Variants in TSHZ2 observed in about 807,000 individuals in gnomAD.
TSHZ2 encodes the protein teashirt zinc finger homeobox 2.
Under a neutral mutation model 74.4 loss-of-function variants are expected in TSHZ2, and 21 were observed. The observed-to-expected ratio is 0.28, with a 90% CI of 0.20 to 0.41. The LOEUF (loss-of-function observed/expected upper bound fraction) is 0.41. TSHZ2 is among the 10% of genes least tolerant of loss of function. The pLI, the probability that TSHZ2 is intolerant of heterozygous loss-of-function variation, is 1.00. For synonymous variants in TSHZ2, 540 were observed against 515.3 expected (o/e 1.05, Z -0.65); for missense variants, 1,244 against 1,293.5 (o/e 0.96, Z 0.59).
chr20:53,461,204 G>A (rs539483124), intron 2 of TSHZ2, among the ~76,000 whole-genome samples: 274 of 151,886 alleles, frequency 1.8e-3, no homozygotes, highest in Middle Eastern at 6.8e-3. Context: ...CTCCATGGGC[G>A]TAGGACCCTC....
intron 2 of TSHZ2, among the ~76,000 whole-genome samples, chr20:53,268,891 C>A (rs1990773332): frequency 6.6e-6 from 1 of 152,220 alleles, no homozygotes; most frequent in Admixed American, 6.5e-5. Context: ...GTTCAAATCC[C>A]AGCAGGGCCA....
At chr20:53,277,346 A>T (rs1208229151) in intron 2 of TSHZ2, among the ~76,000 whole-genome samples, 1 of 152,198 alleles carries the variant, frequency 6.6e-6, no homozygotes, top group Non-Finnish European at 1.5e-5. Flanking sequence ...AAATTAGTTA[A>T]GTAAAACAAG....
At chr20:53,097,286 G>C (rs1425201791) in intron 1 of TSHZ2, among the ~76,000 whole-genome samples, 1 of 152,178 alleles carries the variant, frequency 6.6e-6, no homozygotes, top group African/African-American at 2.4e-5. Context: ...ATTCCCCAGA[G>C]CTGGTCCCAT....
intron 2 of TSHZ2, among the ~76,000 whole-genome samples, chr20:53,302,475 A>G (rs562383348): frequency 3.4e-4 from 52 of 152,342 alleles, no homozygotes; most frequent in African/African-American, 1.2e-3. Context: ...TTATCTCATC[A>G]TCCTGTGGCA....
intron 2 of TSHZ2, among the ~76,000 whole-genome samples, chr20:53,448,011 T>G (rs887114858): frequency 6.6e-6 from 1 of 151,902 alleles, no homozygotes; most frequent in Non-Finnish European, 1.5e-5. Flanking sequence ...CCTCCCTGGT[T>G]CACGCCATTC....
At chr20:53,045,449 G>GAGA (rs1568734063) in intron 1 of TSHZ2, among the ~76,000 whole-genome samples, 1 of 152,212 alleles carries the variant, frequency 6.6e-6, no homozygotes, top group African/African-American at 2.4e-5. Context: ...GGATCCTTTT[G>GAGA]AGAAATCACA....
chr20:53,235,657 C>A (rs1479037385), intron 1 of TSHZ2, among the ~76,000 whole-genome samples: 1 of 152,204 alleles, frequency 6.6e-6, no homozygotes, highest in Non-Finnish European at 1.5e-5. Flanking sequence ...AAGGGAAGCT[C>A]TCTCTTTATA....
intron 1 of TSHZ2, among the ~76,000 whole-genome samples, chr20:53,032,701 A>G (rs982899337): frequency 1.3e-5 from 2 of 151,618 alleles, no homozygotes; most frequent in African/African-American, 4.8e-5. Flanking sequence ...AGAACCGATG[A>G]GGAGGCGTAA....
intron 1 of TSHZ2, among the ~76,000 whole-genome samples, chr20:53,029,855 G>GT (rs11477572): frequency 6.6e-6 from 1 of 151,772 alleles, no homozygotes; most frequent in Non-Finnish European, 1.5e-5. Flanking sequence ...GAAATTTGGA[G>GT]TTTTTTTGAT....
intron 1 of TSHZ2, among the ~76,000 whole-genome samples, chr20:53,162,108 G>T (rs543021082): frequency 1.3e-5 from 2 of 152,096 alleles, no homozygotes; most frequent in Non-Finnish European, 2.9e-5. Context: ...TATTGCCATT[G>T]TTTATGATGT....
intron 1 of TSHZ2, among the ~76,000 whole-genome samples, chr20:53,131,808 C>G (rs1600705072): frequency 7.8e-6 from 1 of 127,692 alleles, no homozygotes; most frequent in East Asian, 2.5e-4. Context: ...CTCATTTGCA[C>G]TTGAATGACA....
intron 2 of TSHZ2, among the ~76,000 whole-genome samples, chr20:53,363,379 G>T (rs1981138212): frequency 6.6e-6 from 1 of 152,196 alleles, no homozygotes; most frequent in Non-Finnish European, 1.5e-5. Flanking sequence ...AGTGTAACAG[G>T]GTTCAAAGCC....
intron 2 of TSHZ2, among the ~76,000 whole-genome samples, chr20:53,463,404 A>AAGGG (rs1985448182): frequency 8.8e-6 from 1 of 113,740 alleles, no homozygotes; most frequent in Non-Finnish European, 1.8e-5. Flanking sequence ...GGAAGGAAGG[A>AAGGG]AGGAAGGAAG....
intron 2 of TSHZ2, among the ~76,000 whole-genome samples, chr20:53,329,535 A>C (rs1979633576): frequency 1.3e-5 from 2 of 151,728 alleles, no homozygotes; most frequent in African/African-American, 4.8e-5. Context: ...TGACTCTGGC[A>C]TTTACTGGCA....
At chr20:53,081,181 GT>G (rs975205483) in intron 1 of TSHZ2, among the ~76,000 whole-genome samples, 1 of 151,728 alleles carries the variant, frequency 6.6e-6, no homozygotes, top group Non-Finnish European at 1.5e-5. Context: ...ACACCCACCT[GT>G]TTTTTTTATT....
chr20:53,148,027 C>G (rs1424846009), intron 1 of TSHZ2, among the ~76,000 whole-genome samples: 1 of 152,048 alleles, frequency 6.6e-6, no homozygotes, highest in African/African-American at 2.4e-5. Context: ...GGGTCTATGT[C>G]TTATAACAAG....
intron 1 of TSHZ2, among the ~76,000 whole-genome samples, chr20:53,136,810 C>T (rs1364840439): frequency 6.6e-6 from 1 of 151,958 alleles, no homozygotes; most frequent in Non-Finnish European, 1.5e-5. Flanking sequence ...AAAAAATCTA[C>T]TGAGGAAGAA....
intron 2 of TSHZ2, among the ~76,000 whole-genome samples, chr20:53,269,992 C>T (rs539657889): frequency 6.6e-6 from 1 of 152,052 alleles, no homozygotes; most frequent in Non-Finnish European, 1.5e-5. Context: ...GGAGACCCTA[C>T]CTTCATTTAC....
intron 1 of TSHZ2, among the ~76,000 whole-genome samples, chr20:52,991,253 G>A (rs1024710858): frequency 1.3e-4 from 19 of 147,642 alleles, no homozygotes; most frequent in Admixed American, 6.8e-4. Flanking sequence ...GTTGTGGGGG[G>A]AGAGAGTGTG....
Sources: gnomAD v4.1 joint callset for allele counts (sites outside exome capture counted in the v4.1 genomes callset) on GRCh38, gnomAD v4.1.1 for gene constraint, MANE v1.5 for transcripts, NCBI Gene and HGNC (gene_info 2026-07-23, HGNC 2026-07-21) for gene names.